DGKI: variants seen among roughly 807,000 people sequenced by gnomAD.
DGKI encodes DAG kinase iota.
DGKI carries 55 observed loss-of-function variants against 147.5 expected under a neutral mutation model. The ratio of observed to expected loss-of-function variants is 0.37; its 90% confidence interval spans 0.30 to 0.47. DGKI has a LOEUF of 0.47. Among genes scored for constraint, DGKI ranks in the 20% least tolerant of loss-of-function variants. The pLI is 1.00. For synonymous variants in DGKI, 469 were observed against 477.1 expected, an observed-to-expected ratio of 0.98 and a Z score of 0.22; for missense variants, 1,007 against 1,323.8, an observed-to-expected ratio of 0.76 and a Z score of 3.71.
intron 1 of DGKI, chr7:137,843,257 A>T: frequency 5.5e-6 from 1 of 181,652 alleles, no homozygotes; most frequent in Non-Finnish European, 1.0e-5. Flanking sequence ...ACTGACTTAT[A>T]TGGGAATTCT....
At chr7:137,638,946 G>C (rs1467430046) in intron 6 of DGKI, among the ~76,000 whole-genome samples, 4 of 151,866 alleles carry the variant, frequency 2.6e-5, no homozygotes, top group African/African-American at 9.7e-5. Flanking sequence ...GAGGAAACTA[G>C]CTCTCCTCAC....
intron 19 of DGKI, among the ~76,000 whole-genome samples, chr7:137,553,686 A>ATGGTAT (rs1563082169): frequency 1.3e-5 from 2 of 152,216 alleles, no homozygotes; most frequent in Non-Finnish European, 2.9e-5. Context: ...TACACATGTG[A>ATGGTAT]ACCTCCATCG....
chr7:137,629,678 G>A (rs1434085055), intron 6 of DGKI, among the ~76,000 whole-genome samples: 6 of 152,174 alleles, frequency 3.9e-5, no homozygotes, highest in Non-Finnish European at 2.9e-5. Context: ...TATCCAGAGT[G>A]TAGCCTTCAG....
At chr7:137,406,993 C>T (rs1455884812) in intron 30 of DGKI, among the ~76,000 whole-genome samples, 2 of 142,662 alleles carry the variant, frequency 1.4e-5, no homozygotes, top group Non-Finnish European at 3.0e-5. Flanking sequence ...TTACTATCTA[C>T]AGGCTGAATT....
At chr7:137,662,901 C>T (rs999908548) in intron 3 of DGKI, among the ~76,000 whole-genome samples, 1 of 152,194 alleles carries the variant, frequency 6.6e-6, no homozygotes, top group Non-Finnish European at 1.5e-5. Flanking sequence ...AAAAGTATCT[C>T]AGAATATCTG....
chr7:137,659,723 G>C (rs1216443162), intron 3 of DGKI, among the ~76,000 whole-genome samples: 1 of 152,212 alleles, frequency 6.6e-6, no homozygotes, highest in Non-Finnish European at 1.5e-5. Flanking sequence ...ACAAGGTCAG[G>C]AGATCGAGAC....
chr7:137,487,195 T>C (rs1278092670), intron 22 of DGKI, among the ~76,000 whole-genome samples: 1 of 152,184 alleles, frequency 6.6e-6, no homozygotes, highest in Non-Finnish European at 1.5e-5. Context: ...TTCTTTCCCA[T>C]AGAAGTTTTA....
At chr7:137,667,766 C>A (rs577256711) in intron 3 of DGKI, among the ~76,000 whole-genome samples, 13 of 152,304 alleles carry the variant, frequency 8.5e-5, no homozygotes, top group Non-Finnish European at 1.3e-4. Context: ...AGTCTTCCAG[C>A]CAATCTAGTC....
At chr7:137,595,251 A>G (rs1218203868) in intron 12 of DGKI, among the ~76,000 whole-genome samples, 1 of 152,254 alleles carries the variant, frequency 6.6e-6, no homozygotes, top group Non-Finnish European at 1.5e-5. Context: ...GGAGGCTGAC[A>G]ATGGCATCAG....
chr7:137,621,406 A>T (rs945484653), intron 7 of DGKI, among the ~76,000 whole-genome samples: 1 of 152,196 alleles, frequency 6.6e-6, no homozygotes, highest in Non-Finnish European at 1.5e-5. Context: ...TCAGAGGTAC[A>T]TCCAAGATTG....
At chr7:137,814,952 T>C (rs868714242) in intron 1 of DGKI, among the ~76,000 whole-genome samples, 6 of 152,180 alleles carry the variant, frequency 3.9e-5, no homozygotes, top group African/African-American at 1.4e-4. Flanking sequence ...CATCTCCAGT[T>C]TGGATAATGA....
At chr7:137,560,993 A>G (rs1255252663) in intron 19 of DGKI, among the ~76,000 whole-genome samples, 1 of 152,216 alleles carries the variant, frequency 6.6e-6, no homozygotes, top group Non-Finnish European at 1.5e-5. Context: ...AAACTAGTAC[A>G]ATCACCATGG....
intron 3 of DGKI, among the ~76,000 whole-genome samples, chr7:137,666,647 C>T (rs1822652639): frequency 6.6e-6 from 1 of 152,162 alleles, no homozygotes; most frequent in African/African-American, 2.4e-5. Flanking sequence ...ATGATACTAA[C>T]AAACTGATGC....
intron 19 of DGKI, among the ~76,000 whole-genome samples, chr7:137,562,761 A>G (rs947053189): frequency 4.6e-5 from 7 of 152,188 alleles, no homozygotes; most frequent in African/African-American, 1.7e-4. Flanking sequence ...GATAATATGA[A>G]TAATTCTATA....
rs1209646565 is a variant in DGKI at position 137,604,142 on chromosome 7, T to C, written c.1168-4237A>G. Among the ~76,000 whole-genome samples the C allele has an allele frequency of 2.0e-5, 3 of 152,302 alleles. No individual in the cohort carries two copies. In the East Asian group the frequency reaches 5.8e-4, roughly 29 times the overall value. On this transcript the variant is annotated intron_variant, in intron 10 of 32. Transcript: ENST00000614521. ...TCCATAGGTTCATCATTTGGTTGTT[T>C]TAATTCCATCTGTTGAGGCTAGCTG...
intron 1 of DGKI, among the ~76,000 whole-genome samples, chr7:137,790,650 G>A (rs556359410): frequency 3.3e-5 from 5 of 152,214 alleles, no homozygotes; most frequent in Admixed American, 6.5e-5. Context: ...AGAAAGAGAC[G>A]TGGATGCGGC....
chr7:137,688,222 G>T (rs1823487553), intron 2 of DGKI, among the ~76,000 whole-genome samples: 1 of 152,116 alleles, frequency 6.6e-6, no homozygotes, highest in Admixed American at 6.5e-5. Context: ...TAAGACCCTT[G>T]AAGGCAGAAA....
chr7:137,739,877 G>T (rs190071670), intron 1 of DGKI, among the ~76,000 whole-genome samples: 18 of 152,306 alleles, frequency 1.2e-4, no homozygotes, highest in Admixed American at 8.5e-4. Flanking sequence ...GTCAAGAAAA[G>T]GTTGAACCTG....
chr7:137,441,420 CAAAAAAAAA>C (rs538892825), intron 28 of DGKI, among the ~76,000 whole-genome samples: 1 of 67,554 alleles, frequency 1.5e-5, no homozygotes, highest in African/African-American at 5.1e-5. Flanking sequence ...GACTCCGTCT[CAAAAAAAAA>C]AAAAAAAAAA....
Sources: allele counts gnomAD v4.1 joint callset (sites outside exome capture counted in the v4.1 genomes callset), GRCh38; gene constraint gnomAD v4.1.1; transcripts MANE v1.5; gene names NCBI Gene and HGNC (gene_info 2026-07-23, HGNC 2026-07-21).